Variants in AGTR1 observed in about 807,000 individuals in gnomAD.
AGTR1 encodes angiotensin II receptor type 1.
AGTR1 carries 16 observed loss-of-function variants against 19.4 expected under a neutral mutation model. That is an observed-to-expected ratio of 0.82 (90% confidence interval 0.56 to 1.25). The LOEUF is 1.25. Among genes scored for constraint, AGTR1 ranks in the 50% most tolerant of loss-of-function variants. The pLI, the probability that AGTR1 is intolerant of heterozygous loss-of-function variation, is 0.00. For synonymous variants in AGTR1, 153 were observed against 154.9 expected (o/e 0.99, Z 0.09); for missense variants, 373 against 431.9 (o/e 0.86, Z 1.21).
intron 1 of AGTR1, among the ~76,000 whole-genome samples, chr3:148,702,506 T>C (rs907529455): frequency 3.0e-4 from 45 of 152,126 alleles, no homozygotes; most frequent in African/African-American, 1.1e-3. Context: ...GTCTTTGCCG[T>C]AGAGAGATAG....
At chr3:148,705,857 A>G (rs1045028171) in intron 1 of AGTR1, among the ~76,000 whole-genome samples, 2 of 151,926 alleles carry the variant, frequency 1.3e-5, no homozygotes, top group African/African-American at 4.8e-5. Flanking sequence ...AGGTGCCATT[A>G]AGGTCTTGGG....
Position 148,742,257 on chromosome 3 carries a change from T to C in AGTR1, c.*142T>C. The C allele has an allele frequency of 8.4e-7, 1 of 1,193,362 alleles. No individual in the cohort carries two copies. Among genetic ancestry groups the C allele is most frequent in the Non-Finnish European group, 1.3e-6 (1 of 797,796 alleles). The allele number at this position is 1,193,362 out of a possible 1,614,324, so 73.9% of individuals were successfully genotyped here. A position where few individuals can be genotyped will look rare whatever the true frequency, so the allele number is the denominator to read the frequency against. On this transcript the variant is annotated 3_prime_UTR_variant, in exon 3 of 3. Transcript: ENST00000349243. ...TGCATTATGTGGACTGAACCGACTT[T>C]TCTAAAGCTCTGAACAAAAGCTTTT...
At chr3:148,711,190 A>G (rs1712965858) in intron 2 of AGTR1, among the ~76,000 whole-genome samples, 1 of 152,172 alleles carries the variant, frequency 6.6e-6, no homozygotes, top group African/African-American at 2.4e-5. Flanking sequence ...CTTAATCACT[A>G]TTTGTCACTA....
chr3:148,723,132 C>T (rs1391175119), intron 2 of AGTR1, among the ~76,000 whole-genome samples: 1 of 152,064 alleles, frequency 6.6e-6, no homozygotes, highest in Non-Finnish European at 1.5e-5. Flanking sequence ...TGTGTAACTC[C>T]CTCAGTCAGT....
At chr3:148,708,758 T>A (rs1309712501) in intron 2 of AGTR1, among the ~76,000 whole-genome samples, 1 of 152,150 alleles carries the variant, frequency 6.6e-6, no homozygotes, top group African/African-American at 2.4e-5. Context: ...TTTACCTAAC[T>A]AATAAGATTT....
rs1714910005 is a variant in AGTR1, at chr3:148,741,714, G to A, written c.679G>A (p.Glu227Lys). 1 of 1,613,936 alleles carries A rather than the reference G, an allele frequency of 6.2e-7. No homozygotes were observed. Among genetic ancestry groups the A allele is most frequent in the African/African-American group, 1.3e-5 (1 of 74,904 alleles). ...LIWKALKKAY[E>K]IQKNKPRNDD... is the part of the protein sequence containing the mutation. The stretch of plus-strand genomic sequence containing the variant: ...TTGGAAGGCCCTAAAGAAGGCTTAT[G>A]AAATTCAGAAGAACAAACCAAGAAA... Residue 227 changes from glutamate (E) to lysine (K), a missense_variant, in exon 3 of 3, where the codon GAA becomes AAA. Physicochemically the swap from Glu to Lys is moderately conservative, Grantham distance 56. Coordinates refer to ENST00000349243, the MANE Select transcript of AGTR1 (RefSeq NM_000685.5).
intron 2 of AGTR1, among the ~76,000 whole-genome samples, chr3:148,727,350 A>G (rs1347215253): frequency 6.6e-6 from 1 of 152,198 alleles, no homozygotes; most frequent in East Asian, 1.9e-4. Flanking sequence ...TGCAAGCTGA[A>G]TTTACACTTA....
chr3:148,719,729 C>T (rs1418854583), intron 2 of AGTR1, among the ~76,000 whole-genome samples: 1 of 152,182 alleles, frequency 6.6e-6, no homozygotes, highest in East Asian at 1.9e-4. Context: ...GGGGAATCTG[C>T]TTGAAATGCA....
chr3:148,726,778 C>T (rs919059453), intron 2 of AGTR1, among the ~76,000 whole-genome samples: 1 of 152,054 alleles, frequency 6.6e-6, no homozygotes, highest in African/African-American at 2.4e-5. Flanking sequence ...TGTCCCCCAC[C>T]GAGTTGCATA....
At chr3:148,737,773 C>T (rs995600106) in intron 2 of AGTR1, among the ~76,000 whole-genome samples, 11 of 152,130 alleles carry the variant, frequency 7.2e-5, no homozygotes, top group African/African-American at 2.7e-4. Flanking sequence ...GAGTTCTGGT[C>T]ATTATACATT....
intron 2 of AGTR1, among the ~76,000 whole-genome samples, chr3:148,723,882 A>G (rs922197491): frequency 6.6e-6 from 1 of 152,190 alleles, no homozygotes; most frequent in Non-Finnish European, 1.5e-5. Flanking sequence ...TCAAGTCTTC[A>G]GTCTAGTTAA....
At chr3:148,730,295 T>G in intron 2 of AGTR1, 1 of 398,014 alleles carries the variant, frequency 2.5e-6, no homozygotes, top group Non-Finnish European at 4.4e-6. Context: ...CTTCCCACTG[T>G]CTTAACTCTG....
chr3:148,701,127 G>A (rs909197321), intron 1 of AGTR1, among the ~76,000 whole-genome samples: 1 of 152,004 alleles, frequency 6.6e-6, no homozygotes, highest in Non-Finnish European at 1.5e-5. Context: ...CAACTAAATT[G>A]GCAAGTGACT....
chr3:148,715,081 A>C (rs937196368), intron 2 of AGTR1, among the ~76,000 whole-genome samples: 20 of 152,294 alleles, frequency 1.3e-4, no homozygotes, highest in African/African-American at 4.6e-4. Context: ...TATATTTGGG[A>C]TTGTGTGTGT....
intron 2 of AGTR1, among the ~76,000 whole-genome samples, chr3:148,724,865 A>G (rs1205326909): frequency 6.6e-6 from 1 of 152,214 alleles, no homozygotes; most frequent in East Asian, 1.9e-4. Context: ...AATCTTTTTC[A>G]TATCAAAATA....
At chr3:148,715,371 A>AT (rs1357442274) in intron 2 of AGTR1, among the ~76,000 whole-genome samples, 1 of 152,116 alleles carries the variant, frequency 6.6e-6, no homozygotes, top group Non-Finnish European at 1.5e-5. Flanking sequence ...TGTTAATTTG[A>AT]TTTTCTACAG....
chr3:148,729,890 C>T (rs915717420), intron 2 of AGTR1, among the ~76,000 whole-genome samples: 3 of 152,300 alleles, frequency 2.0e-5, no homozygotes, highest in Non-Finnish European at 2.9e-5. Flanking sequence ...TGAGTCTTTC[C>T]ACCCCTTGCT....
intron 2 of AGTR1, among the ~76,000 whole-genome samples, chr3:148,739,516 T>C (rs1247757886): frequency 6.6e-6 from 1 of 152,166 alleles, no homozygotes; most frequent in African/African-American, 2.4e-5. Flanking sequence ...ATGTACATTA[T>C]ATAAGCTGGA....
chr3:148,715,115 G>A (rs1013678493), intron 2 of AGTR1, among the ~76,000 whole-genome samples: 3 of 152,036 alleles, frequency 2.0e-5, no homozygotes, highest in Non-Finnish European at 4.4e-5. Flanking sequence ...ATGTAAGTAG[G>A]AATAAAATTA....
Sources: allele counts gnomAD v4.1 joint callset (sites outside exome capture counted in the v4.1 genomes callset), GRCh38; gene constraint gnomAD v4.1.1; transcripts MANE v1.5; gene names NCBI Gene and HGNC (gene_info 2026-07-23, HGNC 2026-07-21).